Variants in ARB2A observed in about 807,000 individuals in gnomAD.
ARB2A encodes the protein cotranscriptional regulator ARB2A.
chr5:94,002,700 CT>C, the ARB2A span, among the ~76,000 whole-genome samples: 14 of 146,954 alleles, frequency 9.5e-5, no homozygotes, highest in South Asian at 1.5e-3. Context: ...AAGTCTCTTT[CT>C]TTTTTTTTAA....
chr5:93,922,070 T>C, the ARB2A span, among the ~76,000 whole-genome samples: 2 of 152,086 alleles, frequency 1.3e-5, no homozygotes, highest in African/African-American at 2.4e-5. Context: ...GCATTGTCAA[T>C]GCCATAGAAG....
the ARB2A span, among the ~76,000 whole-genome samples, chr5:93,665,091 T>G: frequency 6.6e-6 from 1 of 152,220 alleles, no homozygotes; most frequent in Non-Finnish European, 1.5e-5. Flanking sequence ...CCTCCCAAAG[T>G]GCTGGGATTA....
the ARB2A span, among the ~76,000 whole-genome samples, chr5:93,833,833 T>C: frequency 7.9e-5 from 12 of 152,340 alleles, no homozygotes; most frequent in South Asian, 6.2e-4. Flanking sequence ...TTTTTAAAAA[T>C]AATTTTAACT....
At chr5:93,943,959 A>T in the ARB2A span, among the ~76,000 whole-genome samples, 1 of 152,184 alleles carries the variant, frequency 6.6e-6, no homozygotes, top group Non-Finnish European at 1.5e-5. Flanking sequence ...TTTAGAAACT[A>T]AAAAACTCTA....
chr5:93,901,874 T>A, the ARB2A span, among the ~76,000 whole-genome samples: 1 of 152,094 alleles, frequency 6.6e-6, no homozygotes, highest in Non-Finnish European at 1.5e-5. Context: ...AAGATTGGGA[T>A]GAACATATGA....
At chr5:94,103,363 C>T in the ARB2A span, among the ~76,000 whole-genome samples, 1 of 151,962 alleles carries the variant, frequency 6.6e-6, no homozygotes. Flanking sequence ...AGACAGATTG[C>T]TCTTTTAATT....
At chr5:94,028,058 T>C in the ARB2A span, among the ~76,000 whole-genome samples, 7 of 152,354 alleles carry the variant, frequency 4.6e-5, no homozygotes, top group East Asian at 1.3e-3. Flanking sequence ...CGATTGTTGT[T>C]GTGTTGTAAA....
At chr5:93,678,584 C>T in the ARB2A span, among the ~76,000 whole-genome samples, 1,791 of 152,076 alleles carry the variant, frequency 0.012, 21 homozygotes, top group East Asian at 0.036. Context: ...GGTGAAACCC[C>T]GTCTTTATTA....
the ARB2A span, among the ~76,000 whole-genome samples, chr5:93,822,679 G>T: frequency 7.9e-5 from 12 of 151,596 alleles, no homozygotes; most frequent in Non-Finnish European, 1.5e-4. Flanking sequence ...GGGATTGAAA[G>T]GAATTATTTG....
At chr5:94,089,594 TACACACACACAC>T in the ARB2A span, among the ~76,000 whole-genome samples, 117 of 135,658 alleles carry the variant, frequency 8.6e-4, no homozygotes, top group Non-Finnish European at 1.2e-3. Flanking sequence ...AAACCGTTTA[TACACACACACAC>T]ACACACACAC....
chr5:94,068,862 C>CAAAAAAAAAAAAA, the ARB2A span, among the ~76,000 whole-genome samples: 5 of 62,280 alleles, frequency 8.0e-5, no homozygotes, highest in Admixed American at 1.9e-4. Flanking sequence ...ACTAAAAATA[C>CAAAAAAAAAAAAA]AAAAAAAAAA....
the ARB2A span, among the ~76,000 whole-genome samples, chr5:93,785,269 G>A: frequency 6.6e-6 from 1 of 151,998 alleles, no homozygotes; most frequent in Admixed American, 6.6e-5. Context: ...CTACACTAGT[G>A]GCCCTAATTT....
At chr5:93,765,796 G>T in the ARB2A span, among the ~76,000 whole-genome samples, 1 of 152,182 alleles carries the variant, frequency 6.6e-6, no homozygotes, top group South Asian at 2.1e-4. Context: ...TATACTACAA[G>T]GCTATGGTAA....
the ARB2A span, among the ~76,000 whole-genome samples, chr5:94,043,470 G>A: frequency 6.6e-6 from 1 of 152,196 alleles, no homozygotes; most frequent in Admixed American, 6.5e-5. Flanking sequence ...ATTTGCATAA[G>A]TGCAGTAAGA....
chr5:93,770,313 A>T, the ARB2A span, among the ~76,000 whole-genome samples: 1 of 152,152 alleles, frequency 6.6e-6, no homozygotes. Context: ...ATCTCAAAAT[A>T]ATAAGAGCTA....
At chr5:93,844,365 G>A in the ARB2A span, among the ~76,000 whole-genome samples, 1 of 151,840 alleles carries the variant, frequency 6.6e-6, no homozygotes, top group African/African-American at 2.4e-5. Flanking sequence ...GATCATTTGA[G>A]TCCAGGAGGT....
the ARB2A span, among the ~76,000 whole-genome samples, chr5:94,093,926 A>G: frequency 6.6e-6 from 1 of 152,178 alleles, no homozygotes; most frequent in Non-Finnish European, 1.5e-5. Context: ...ACTTAGAAAG[A>G]TATTAGAAAG....
the ARB2A span, among the ~76,000 whole-genome samples, chr5:93,857,335 A>G: frequency 6.6e-6 from 1 of 152,168 alleles, no homozygotes; most frequent in East Asian, 1.9e-4. Flanking sequence ...GGGACATTTA[A>G]GTCTGCAGAG....
the ARB2A span, among the ~76,000 whole-genome samples, chr5:93,671,593 T>TA: frequency 2.0e-5 from 3 of 152,084 alleles, no homozygotes; most frequent in Admixed American, 6.5e-5. Context: ...TTCATGTTAT[T>TA]AAAAAAATGA....
Sources: allele counts gnomAD v4.1 joint callset (sites outside exome capture counted in the v4.1 genomes callset), GRCh38; gene constraint gnomAD v4.1.1; transcripts MANE v1.5; gene names NCBI Gene and HGNC (gene_info 2026-07-23, HGNC 2026-07-21).